The following DYNC1I1 variants were observed in gnomAD, a reference collection of about 807,000 sequenced individuals.
DYNC1I1 encodes the protein dynein cytoplasmic 1 intermediate chain 1.
In DYNC1I1, 43 loss-of-function variants were observed where a neutral mutation model predicts 86.6. The observed-to-expected ratio is 0.50, with a 90% CI of 0.39 to 0.64. DYNC1I1 has a LOEUF of 0.64. Among genes scored for constraint, DYNC1I1 ranks in the 30% least tolerant of loss-of-function variants. DYNC1I1 has a pLI of 0.00. For synonymous variants in DYNC1I1, 262 were observed against 283.7 expected (o/e 0.92, Z 0.77); for missense variants, 604 against 788.8 (o/e 0.77, Z 2.81).
intron 5 of DYNC1I1, among the ~76,000 whole-genome samples, chr7:95,841,055 G>T (rs188064142): frequency 6.6e-6 from 1 of 152,166 alleles, no homozygotes; most frequent in Non-Finnish European, 1.5e-5. Context: ...TCAGACGCAG[G>T]CTGTTTTAAA....
intron 14 of DYNC1I1, among the ~76,000 whole-genome samples, chr7:96,065,941 T>C (rs1451718543): frequency 6.6e-6 from 1 of 152,260 alleles, no homozygotes; most frequent in African/African-American, 2.4e-5. Flanking sequence ...GAAAACACTC[T>C]TGTGAATGTT....
intron 5 of DYNC1I1, among the ~76,000 whole-genome samples, chr7:95,839,517 G>T (rs1465326465): frequency 6.6e-6 from 1 of 152,080 alleles, no homozygotes; most frequent in Non-Finnish European, 1.5e-5. Flanking sequence ...TTTAGAATGT[G>T]TGTCCATTTA....
chr7:95,911,334 C>T (rs1177194459), intron 6 of DYNC1I1, among the ~76,000 whole-genome samples: 2 of 152,156 alleles, frequency 1.3e-5, no homozygotes, highest in African/African-American at 4.8e-5. Flanking sequence ...GGAAGGCATT[C>T]AGATTCTGAG....
chr7:96,028,165 T>C lies in DYNC1I1; in HGVS notation c.970-10T>C, dbSNP rs1360925353. The C allele has an allele frequency of 6.2e-7, 1 of 1,613,400 alleles. No homozygotes were observed. On this transcript the variant is annotated splice_polypyrimidine_tract_variant and intron_variant, in intron 10 of 16. Transcript: ENST00000447467. ...TTGCATCTCTCTCTCTCTCTCCTTT[T>C]CCCTGACAGTCCTCTGTGATGTCGG...
At chr7:95,838,353 A>T (rs1789176900) in intron 5 of DYNC1I1, among the ~76,000 whole-genome samples, 1 of 152,018 alleles carries the variant, frequency 6.6e-6, no homozygotes, top group Non-Finnish European at 1.5e-5. Flanking sequence ...TTGACTGTAG[A>T]TGTGTGAGTT....
intron 6 of DYNC1I1, among the ~76,000 whole-genome samples, chr7:95,966,708 G>C (rs1305419384): frequency 1.3e-5 from 2 of 152,202 alleles, no homozygotes; most frequent in Non-Finnish European, 2.9e-5. Context: ...TTATTATGAG[G>C]AGTGAATAGA....
chr7:95,789,501 C>T (rs1248549718), intron 1 of DYNC1I1, among the ~76,000 whole-genome samples: 2 of 152,094 alleles, frequency 1.3e-5, no homozygotes, highest in East Asian at 1.9e-4. Context: ...GTTTTTTTCT[C>T]TTTAATCGTC....
intron 10 of DYNC1I1, among the ~76,000 whole-genome samples, chr7:96,023,295 G>T (rs1794597718): frequency 6.6e-6 from 1 of 152,180 alleles, no homozygotes; most frequent in Non-Finnish European, 1.5e-5. Context: ...AATAGGCGAT[G>T]CTTTTGAGAG....
chr7:95,809,183 T>G (rs537676051), intron 2 of DYNC1I1, among the ~76,000 whole-genome samples: 1 of 152,142 alleles, frequency 6.6e-6, no homozygotes, highest in African/African-American at 2.4e-5. Flanking sequence ...ATAACAGAAT[T>G]GTTGAGCACA....
At chr7:96,100,087 A>G (rs1791104895), downstream of DYNC1I1, among the ~76,000 whole-genome samples, 2 of 152,308 alleles carry the variant, frequency 1.3e-5, no homozygotes, top group South Asian at 4.1e-4. Context: ...GTTGAATGAC[A>G]GTTATGATGC....
intron 6 of DYNC1I1, among the ~76,000 whole-genome samples, chr7:95,951,502 AG>A (rs1227897333): frequency 6.6e-6 from 1 of 152,180 alleles, no homozygotes; most frequent in African/African-American, 2.4e-5. Context: ...GAAAGAAGGT[AG>A]TTTTCTTTCT....
chr7:95,857,356 A>T (rs1206481653), intron 5 of DYNC1I1, among the ~76,000 whole-genome samples: 1 of 152,212 alleles, frequency 6.6e-6, no homozygotes, highest in African/African-American at 2.4e-5. Flanking sequence ...TGGGATGAAG[A>T]TCACCAATAA....
rs1469225474 is a variant in DYNC1I1 at position 96,106,157 on chromosome 7, GCTCT to G, written c.1543-3819_1543-3816del. 5.9e-5 allele frequency among the ~76,000 whole-genome samples: 9 copies of G among 151,902 alleles called. No individual in the cohort carries two copies. The South Asian group carries it at 1.9e-3, about 32-fold the overall frequency. On this transcript the variant is annotated intron_variant, in intron 16 of 16. Coordinates refer to the DYNC1I1 transcript ENST00000537881. Reference sequence around the variant, plus strand: ...CTTCTTTCCACTTTGGGCTTAATTTGCTCTCTTTTTTTCCTTCCTGAAGTAGAAA... The same window carrying G: ...CTTCTTTCCACTTTGGGCTTAATTTGCTTTTTTTCCTTCCTGAAGTAGAAA...
intron 14 of DYNC1I1, among the ~76,000 whole-genome samples, chr7:96,040,362 T>G (rs997183771): frequency 6.6e-6 from 1 of 152,122 alleles, no homozygotes; most frequent in Admixed American, 6.6e-5. Flanking sequence ...GAAATGACAG[T>G]GACTTAAACC....
At chr7:96,022,065 T>C (rs1316291998) in intron 10 of DYNC1I1, among the ~76,000 whole-genome samples, 3 of 152,190 alleles carry the variant, frequency 2.0e-5, no homozygotes, top group African/African-American at 7.2e-5. Context: ...TATGTTTAAC[T>C]TTTTGGGGAA....
rs1792060680 is a variant in DYNC1I1 at position 95,936,964 on chromosome 7, A to ACACACACACACACACG, written c.491-40533_491-40532insGCACACACACACACAC. Among the ~76,000 whole-genome samples, 17 of 151,390 alleles carry ACACACACACACACACG rather than the reference A, an allele frequency of 1.1e-4. No homozygotes were observed. The South Asian group carries it at 3.6e-3, about 32-fold the overall frequency. ...TGGATAAAGAATATGTCTCACACAC[A>ACACACACACACACACG]CACACACACACACACACACACACAC... On this transcript the variant is annotated intron_variant, in intron 6 of 16. Coordinates refer to ENST00000447467, the MANE Select transcript of DYNC1I1 (RefSeq NM_001135556.2).
At chr7:96,074,550 CAAAAAAAAAAA>C (rs61571160) in intron 14 of DYNC1I1, among the ~76,000 whole-genome samples, 4 of 66,952 alleles carry the variant, frequency 6.0e-5, no homozygotes, top group Non-Finnish European at 1.2e-4. Flanking sequence ...GACTCCGTCT[CAAAAAAAAAAA>C]AAAAAAAAAA....
downstream of DYNC1I1, among the ~76,000 whole-genome samples, chr7:96,100,360 C>CTTCCTTCCTTCCTTCCTTCT (rs1791111136): frequency 1.5e-5 from 2 of 137,110 alleles, no homozygotes; most frequent in South Asian, 2.2e-4. Flanking sequence ...CCTTCCTTTC[C>CTTCCTTCCTTCCTTCCTTCT]TTCCTTCCTT....
At chr7:95,933,376 A>G (rs1260743368) in intron 6 of DYNC1I1, among the ~76,000 whole-genome samples, 2 of 152,158 alleles carry the variant, frequency 1.3e-5, no homozygotes, top group Non-Finnish European at 2.9e-5. Flanking sequence ...CATGTGTATT[A>G]AAGTATCATT....
Sources: allele counts gnomAD v4.1 joint callset (sites outside exome capture counted in the v4.1 genomes callset), GRCh38; gene constraint gnomAD v4.1.1; transcripts MANE v1.5; gene names NCBI Gene and HGNC (gene_info 2026-07-23, HGNC 2026-07-21).